Variants in ARHGAP24 observed in about 807,000 individuals in gnomAD.
The protein encoded by ARHGAP24 is Rho GTPase activating protein 24, also known as rho GTPase-activating protein 24.
Under a neutral mutation model 76.4 loss-of-function variants are expected in ARHGAP24, and 50 were observed. The observed-to-expected ratio is 0.65, with a 90% confidence interval of 0.52 to 0.83. The LOEUF (loss-of-function observed/expected upper bound fraction) is 0.83. Among genes scored for constraint, ARHGAP24 ranks in the 40% least tolerant of loss-of-function variants. The pLI, the probability that ARHGAP24 is intolerant of heterozygous loss-of-function variation, is 0.00. For missense variants in ARHGAP24, 930 were observed against 914.2 expected (o/e 1.02, Z -0.22); for synonymous variants, 345 against 323.3 (o/e 1.07, Z -0.72).
intron 3 of ARHGAP24, among the ~76,000 whole-genome samples, chr4:85,832,231 G>A (rs147037001): frequency 1.3e-5 from 2 of 152,152 alleles, no homozygotes; most frequent in African/African-American, 4.8e-5. Flanking sequence ...TAATTCCGGT[G>A]GTCTCAGTGG....
intron 2 of ARHGAP24, among the ~76,000 whole-genome samples, chr4:85,713,117 G>T (rs1724588625): frequency 6.6e-6 from 1 of 152,054 alleles, no homozygotes; most frequent in South Asian, 2.1e-4. Context: ...GGACATTATG[G>T]CAAAACCCCA....
At chr4:85,581,330 T>A (rs1727602116) in intron 2 of ARHGAP24, among the ~76,000 whole-genome samples, 1 of 152,206 alleles carries the variant, frequency 6.6e-6, no homozygotes, top group Non-Finnish European at 1.5e-5. Context: ...ATTAGCAGAA[T>A]CCTTAACTCA....
chr4:85,949,629 G>A (rs1737486262), intron 5 of ARHGAP24, among the ~76,000 whole-genome samples: 1 of 152,246 alleles, frequency 6.6e-6, no homozygotes, highest in East Asian at 1.9e-4. Flanking sequence ...CAGTAAGGGT[G>A]GAAGCTACAA....
At chr4:85,646,458 C>T (rs910003352) in intron 2 of ARHGAP24, among the ~76,000 whole-genome samples, 6 of 151,554 alleles carry the variant, frequency 4.0e-5, no homozygotes, top group African/African-American at 1.5e-4. Flanking sequence ...TTCAATTTCC[C>T]ATTCTTTTTG....
Position 85,484,581 on chromosome 4 carries a change from C to G in ARHGAP24, c.-21+9022C>G, listed in dbSNP as rs1055969256. On this transcript the variant is annotated intron_variant, in intron 1 of 9. Coordinates refer to ENST00000395184, the MANE Select transcript of ARHGAP24 (RefSeq NM_001025616.3). ...GCAAGCAGATGATATTTTATTCACCCCCCTTTGTGCGTTGTGTGTAATGTT... is the reference window on the plus strand; with the variant it reads ...GCAAGCAGATGATATTTTATTCACCGCCCTTTGTGCGTTGTGTGTAATGTT... 2.5e-4 allele frequency among the ~76,000 whole-genome samples: 38 copies of G among 151,998 alleles called. 1 individual carries two copies. The highest frequency in any genetic ancestry group is 8.9e-4 in the African/African-American group (37 of 41,392).
intron 3 of ARHGAP24, among the ~76,000 whole-genome samples, chr4:85,750,420 TC>T (rs1249938955): frequency 6.7e-6 from 1 of 149,182 alleles, no homozygotes; most frequent in Non-Finnish European, 1.5e-5. Flanking sequence ...TACTTCTTAA[TC>T]CCAGAGTGGC....
At chr4:85,549,496 T>C (rs1380123400) in intron 1 of ARHGAP24, among the ~76,000 whole-genome samples, 1 of 152,040 alleles carries the variant, frequency 6.6e-6, no homozygotes, top group Non-Finnish European at 1.5e-5. Flanking sequence ...TTTTCTTAAT[T>C]AGATTGAGTT....
chr4:85,882,554 A>G (rs532341113), intron 3 of ARHGAP24, among the ~76,000 whole-genome samples: 5 of 152,310 alleles, frequency 3.3e-5, no homozygotes, highest in Admixed American at 2.6e-4. Flanking sequence ...TTTGATTTAC[A>G]AAATGAGGAG....
At position 85,512,716 on chromosome 4, in the gene ARHGAP24, GT is replaced by G. The variant is rs549984210; in HGVS notation, c.-21+37163del. On this transcript the variant is annotated intron_variant, in intron 1 of 9. Coordinates refer to ENST00000395184, the MANE Select transcript of ARHGAP24 (RefSeq NM_001025616.3). ...TTTCTCCATAACTTGTCACAAAAAT[GT>G]TTTTTAAGCTCAGTTAATTTACATG... 8.1e-4 allele frequency among the ~76,000 whole-genome samples: 123 copies of G among 152,242 alleles called. 2 individuals are homozygous for G. The East Asian group carries it at 0.022, about 27-fold the overall frequency.
chr4:85,496,874 G>A lies in ARHGAP24; in HGVS notation c.-21+21315G>A, dbSNP rs116098134. On this transcript the variant is annotated intron_variant, in intron 1 of 9. Transcript: ENST00000395184. ...GTCTATCCTTTCTGAGAAAAGTCCC[G>A]CCAACAAAATACAGAGAAATGAGTA... is the stretch of plus-strand genomic sequence containing the variant. 4.7e-3 allele frequency among the ~76,000 whole-genome samples: 717 copies of A among 152,124 alleles called. 5 individuals carry two copies. The highest frequency in any genetic ancestry group is 6.4e-3 in the Non-Finnish European group (435 of 68,000).
At chr4:85,513,381 A>G (rs1039582761) in intron 1 of ARHGAP24, among the ~76,000 whole-genome samples, 3 of 152,160 alleles carry the variant, frequency 2.0e-5, no homozygotes, top group Non-Finnish European at 4.4e-5. Context: ...TTCCTGTTTC[A>G]GTGTCCTTTT....
intron 1 of ARHGAP24, among the ~76,000 whole-genome samples, chr4:85,551,998 G>T (rs1726159450): frequency 6.6e-6 from 1 of 151,984 alleles, no homozygotes; most frequent in Non-Finnish European, 1.5e-5. Context: ...TCTTTTGTAT[G>T]TTTATTCCAG....
chr4:85,589,266 T>G (rs191386402), intron 2 of ARHGAP24, among the ~76,000 whole-genome samples: 1 of 152,346 alleles, frequency 6.6e-6, no homozygotes, highest in African/African-American at 2.4e-5. Context: ...GATCCTCATT[T>G]TCTCATCTTA....
intron 2 of ARHGAP24, among the ~76,000 whole-genome samples, chr4:85,622,933 T>G (rs2110005167): frequency 6.6e-6 from 1 of 152,236 alleles, no homozygotes; most frequent in East Asian, 1.9e-4. Flanking sequence ...TGCCCACTTT[T>G]TGATGGGGTT....
At chr4:85,480,727 A>G (rs1236189377) in intron 1 of ARHGAP24, among the ~76,000 whole-genome samples, 1 of 152,152 alleles carries the variant, frequency 6.6e-6, no homozygotes, top group African/African-American at 2.4e-5. Context: ...TCCAAATGCT[A>G]CATTTTTTAA....
At chr4:85,562,928 G>A (rs12501745) in intron 1 of ARHGAP24, among the ~76,000 whole-genome samples, 56 of 152,190 alleles carry the variant, frequency 3.7e-4, no homozygotes, top group Admixed American at 1.6e-3. Flanking sequence ...AAAAGTTGAA[G>A]CATCTGCAGC....
At chr4:85,553,211 T>C (rs371661648) in intron 1 of ARHGAP24, among the ~76,000 whole-genome samples, 2 of 152,132 alleles carry the variant, frequency 1.3e-5, no homozygotes, top group Non-Finnish European at 1.5e-5. Flanking sequence ...ATAAAGGTAG[T>C]GTGGACCCAA....
chr4:85,626,536 A>G (rs1720960758), intron 2 of ARHGAP24, among the ~76,000 whole-genome samples: 1 of 152,176 alleles, frequency 6.6e-6, no homozygotes, highest in African/African-American at 2.4e-5. Flanking sequence ...ACTTTGGTGA[A>G]TCTGACAATT....
chr4:85,617,075 T>C (rs1186243739), intron 2 of ARHGAP24, among the ~76,000 whole-genome samples: 1 of 147,844 alleles, frequency 6.8e-6, no homozygotes, highest in Non-Finnish European at 1.5e-5. Flanking sequence ...ATATATGTTA[T>C]AAATATGTAT....
Sources: allele counts gnomAD v4.1 joint callset (sites outside exome capture counted in the v4.1 genomes callset), GRCh38; gene constraint gnomAD v4.1.1; transcripts MANE v1.5; gene names NCBI Gene and HGNC (gene_info 2026-07-23, HGNC 2026-07-21).